Variants in CCSER1 observed in about 807,000 individuals in gnomAD.
CCSER1 encodes the protein serine-rich coiled-coil domain-containing protein 1.
CCSER1 carries 41 observed loss-of-function variants against 82.0 expected under a neutral mutation model. That is an observed-to-expected ratio of 0.50 (90% confidence interval 0.39 to 0.65). The LOEUF (loss-of-function observed/expected upper bound fraction) is 0.65, where lower values mean the gene tolerates loss of function less well. Ranked by LOEUF, CCSER1 falls within the 30% of genes least tolerant of loss-of-function variation. The pLI is 0.00. For synonymous variants in CCSER1, 414 were observed against 383.9 expected (o/e 1.08, Z -0.92); for missense variants, 1,119 against 1,064.2 (o/e 1.05, Z -0.72).
At chr4:91,453,590 A>G (rs1578496548) in intron 10 of CCSER1, among the ~76,000 whole-genome samples, 1 of 152,042 alleles carries the variant, frequency 6.6e-6, no homozygotes, top group Admixed American at 6.6e-5. Context: ...TGTAAAATCA[A>G]TGATGTGTAC....
intron 9 of CCSER1, among the ~76,000 whole-genome samples, chr4:90,943,674 T>A (rs1207705209): frequency 6.7e-6 from 1 of 148,472 alleles, no homozygotes; most frequent in East Asian, 2.1e-4. Context: ...GCAATCCTCC[T>A]GCCTCAGCCT....
At chr4:91,150,848 G>A (rs536089144) in intron 10 of CCSER1, among the ~76,000 whole-genome samples, 2 of 152,264 alleles carry the variant, frequency 1.3e-5, no homozygotes, top group South Asian at 4.2e-4. Context: ...TAAGCTTTTT[G>A]ATGTGCCGCT....
In CCSER1 at chr4:91,169,289, T is replaced by A. The variant is rs12642520; in HGVS notation, c.2217+83295T>A. ...CCTCTAATTTCTCTTTTCACCTAGTTACTTCCTTCAGTTTTTGCTTTATAT... is the reference window on the plus strand; with the variant it reads ...CCTCTAATTTCTCTTTTCACCTAGTAACTTCCTTCAGTTTTTGCTTTATAT... On this transcript the variant is annotated intron_variant, in intron 10 of 10. Coordinates refer to ENST00000509176, the MANE Select transcript of CCSER1 (RefSeq NM_001145065.2). 2.2e-4 allele frequency among the ~76,000 whole-genome samples: 34 copies of A among 152,164 alleles called. 1 individual carries two copies. The East Asian group carries it at 5.6e-3, about 25-fold the overall frequency.
In CCSER1 at chr4:90,232,354, C is replaced by G. The variant is rs1470555135; in HGVS notation, c.-41-75890C>G. 3.5e-3 allele frequency among the ~76,000 whole-genome samples: 536 copies of G among 151,704 alleles called. 2 individuals are homozygous for G. Among genetic ancestry groups the G allele is most frequent in the African/African-American group, 0.012 (489 of 41,282 alleles). The stretch of plus-strand genomic sequence containing the variant: ...ACTATCTGATCTTTGACAAACCTGA[C>G]AAAAACAAGCAATGGGGAAAGGATT... On this transcript the variant is annotated intron_variant, in intron 1 of 10. Transcript: ENST00000509176.
intron 7 of CCSER1, among the ~76,000 whole-genome samples, chr4:90,808,348 A>G (rs7678591): frequency 0.34 from 51,662 of 151,918 alleles, 8,991 homozygotes; most frequent in East Asian, 0.42. Context: ...ATTTTTGACT[A>G]TGACCCCAAA....
chr4:91,388,711 T>A (rs550136596), intron 10 of CCSER1, among the ~76,000 whole-genome samples: 3 of 152,098 alleles, frequency 2.0e-5, no homozygotes, highest in Non-Finnish European at 4.4e-5. Flanking sequence ...TCTTCCTTCC[T>A]AACCTACATA....
chr4:90,878,990 A>G (rs1173002118), intron 8 of CCSER1, among the ~76,000 whole-genome samples: 1 of 152,144 alleles, frequency 6.6e-6, no homozygotes, highest in African/African-American at 2.4e-5. Flanking sequence ...ACCAAAAATG[A>G]TGCTTTAAGA....
intron 1 of CCSER1, among the ~76,000 whole-genome samples, chr4:90,223,491 T>C (rs1742557382): frequency 6.6e-6 from 1 of 152,180 alleles, no homozygotes; most frequent in South Asian, 2.1e-4. Flanking sequence ...AGAGAAATAT[T>C]GATTGCATTG....
chr4:90,845,957 A>T (rs1245564027), intron 8 of CCSER1, among the ~76,000 whole-genome samples: 1 of 145,436 alleles, frequency 6.9e-6, no homozygotes, highest in Non-Finnish European at 1.6e-5. Context: ...TGCTGTGTCT[A>T]TTTATAGATT....
chr4:91,278,606 T>C (rs989450792), intron 10 of CCSER1, among the ~76,000 whole-genome samples: 1 of 152,050 alleles, frequency 6.6e-6, no homozygotes, highest in Admixed American at 6.6e-5. Context: ...TTGGGTCCTG[T>C]TTGTGTTTTG....
intron 4 of CCSER1, among the ~76,000 whole-genome samples, chr4:90,403,041 G>A (rs1753127011): frequency 6.6e-6 from 1 of 152,168 alleles, no homozygotes; most frequent in Admixed American, 6.5e-5. Context: ...ATTGTTTAAT[G>A]TCACTTAATA....
intron 3 of CCSER1, among the ~76,000 whole-genome samples, chr4:90,380,754 C>T (rs562549688): frequency 6.6e-6 from 1 of 152,262 alleles, no homozygotes; most frequent in Non-Finnish European, 1.5e-5. Context: ...CAATTTATTT[C>T]AATTTCTAGG....
intron 5 of CCSER1, among the ~76,000 whole-genome samples, chr4:90,622,069 C>G (rs1722419564): frequency 6.6e-6 from 1 of 152,112 alleles, no homozygotes; most frequent in South Asian, 2.1e-4. Flanking sequence ...AGTTATTTAG[C>G]ATTTCTTTGT....
At chr4:91,289,451 T>C (rs1362559773) in intron 10 of CCSER1, among the ~76,000 whole-genome samples, 1 of 152,062 alleles carries the variant, frequency 6.6e-6, no homozygotes, top group Non-Finnish European at 1.5e-5. Flanking sequence ...TTGTGTTAAA[T>C]ATTTTAATGG....
intron 9 of CCSER1, among the ~76,000 whole-genome samples, chr4:91,079,028 C>T (rs1163549387): frequency 6.6e-6 from 1 of 152,144 alleles, no homozygotes; most frequent in Non-Finnish European, 1.5e-5. Flanking sequence ...AGGAGAACTT[C>T]CCCAACATAG....
chr4:91,099,761 A>G (rs2148847222), intron 10 of CCSER1, among the ~76,000 whole-genome samples: 1 of 152,324 alleles, frequency 6.6e-6, no homozygotes, highest in East Asian at 1.9e-4. Context: ...GATGACAGAA[A>G]GGAAGTGTTC....
chr4:90,951,221 A>G (rs535963340), intron 9 of CCSER1: 3 of 152,238 alleles, frequency 2.0e-5, no homozygotes, highest in African/African-American at 4.8e-5. Flanking sequence ...TTAGCAAGGT[A>G]TAGCAGAAAA....
At chr4:90,490,145 C>A (rs189007124) in intron 5 of CCSER1, among the ~76,000 whole-genome samples, 6,524 of 152,122 alleles carry the variant, frequency 0.043, 409 homozygotes, top group African/African-American at 0.14. Flanking sequence ...CCAACAGTGT[C>A]AAAGTGTTCC....
intron 5 of CCSER1, among the ~76,000 whole-genome samples, chr4:90,531,396 C>CTTTTTTTTTTTTTTTTT (rs77768534): frequency 7.7e-6 from 1 of 130,202 alleles, no homozygotes; most frequent in African/African-American, 2.7e-5. Flanking sequence ...CTGCAGGTTT[C>CTTTTTTTTTTTTTTTTT]TTTTTTTTTT....
Sources: gnomAD v4.1 joint callset for allele counts (sites outside exome capture counted in the v4.1 genomes callset) on GRCh38, gnomAD v4.1.1 for gene constraint, MANE v1.5 for transcripts, NCBI Gene and HGNC (gene_info 2026-07-23, HGNC 2026-07-21) for gene names.